Variants in TMPRSS15 observed in about 807,000 individuals in gnomAD.
TMPRSS15 encodes enteropeptidase.
Under a neutral mutation model 125.3 loss-of-function variants are expected in TMPRSS15, and 128 were observed. The ratio of observed to expected loss-of-function variants is 1.02; its 90% CI spans 0.89 to 1.18. The LOEUF (loss-of-function observed/expected upper bound fraction) is 1.18, where lower values mean the gene tolerates loss of function less well. TMPRSS15 is among the 50% of genes most tolerant of loss of function. The pLI is 0.00. For synonymous variants in TMPRSS15, 446 were observed against 423.2 expected (o/e 1.05, Z -0.66); for missense variants, 1,283 against 1,212.7 (o/e 1.06, Z -0.86).
Position 18,289,748 on chromosome 21 carries a change from C to A in TMPRSS15, c.2486+4522G>T, listed in dbSNP as rs186126142. 2.0e-5 allele frequency among the ~76,000 whole-genome samples: 3 copies of A among 152,252 alleles called. No individual in the cohort carries two copies. The East Asian group carries it at 5.8e-4, about 29-fold the overall frequency. On this transcript the variant is annotated intron_variant, in intron 21 of 24. Transcript: ENST00000284885. ...ATTTCATCTTTAATAGATGTCCGTT[C>A]AATGACTGTGATCCAGACTGTAAAT...
chr21:18,396,579 C>A (rs1278659412), intron 3 of TMPRSS15, among the ~76,000 whole-genome samples: 2 of 151,876 alleles, frequency 1.3e-5, no homozygotes, highest in African/African-American at 2.4e-5. Flanking sequence ...TCGAGACGAT[C>A]TTGGCTAACA....
intron 18 of TMPRSS15, among the ~76,000 whole-genome samples, chr21:18,307,280 T>A (rs1259302689): frequency 6.6e-6 from 1 of 152,178 alleles, no homozygotes; most frequent in Non-Finnish European, 1.5e-5. Flanking sequence ...AAATATTGTA[T>A]CTAAGGCAGT....
chr21:18,324,554 T>C (rs959157843), intron 16 of TMPRSS15, among the ~76,000 whole-genome samples: 7 of 152,198 alleles, frequency 4.6e-5, no homozygotes, highest in African/African-American at 1.7e-4. Flanking sequence ...GTAACGTCAC[T>C]TGTGGGAGCT....
chr21:18,469,404 G>T (rs1289110191), intron 1 of TMPRSS15, among the ~76,000 whole-genome samples: 1 of 151,874 alleles, frequency 6.6e-6, no homozygotes, highest in East Asian at 1.9e-4. Flanking sequence ...ACATTTTTTT[G>T]TCACAAAAGA....
chr21:18,296,108 A>C (rs991081405), intron 19 of TMPRSS15, among the ~76,000 whole-genome samples: 12 of 152,106 alleles, frequency 7.9e-5, no homozygotes, highest in Non-Finnish European at 1.8e-4. Flanking sequence ...AGCCGAGATC[A>C]CGCCACTGCA....
At chr21:18,308,031 A>T (rs2146926993) in intron 18 of TMPRSS15, among the ~76,000 whole-genome samples, 1 of 152,268 alleles carries the variant, frequency 6.6e-6, no homozygotes, top group Non-Finnish European at 1.5e-5. Context: ...TTGTGGAAGC[A>T]AGGTCAAGTC....
chr21:18,466,072 C>G (rs930935916), intron 1 of TMPRSS15, among the ~76,000 whole-genome samples: 2 of 151,984 alleles, frequency 1.3e-5, no homozygotes, highest in Admixed American at 6.6e-5. Flanking sequence ...ATATATAGAC[C>G]AATGGAACAG....
intron 1 of TMPRSS15, among the ~76,000 whole-genome samples, chr21:18,427,675 A>G (rs2076206154): frequency 6.6e-6 from 1 of 152,228 alleles, no homozygotes; most frequent in African/African-American, 2.4e-5. Flanking sequence ...CCTAAGAAAT[A>G]TACTTATTCA....
intron 1 of TMPRSS15, among the ~76,000 whole-genome samples, chr21:18,472,290 A>G (rs1329605455): frequency 6.6e-6 from 1 of 152,012 alleles, no homozygotes; most frequent in Non-Finnish European, 1.5e-5. Flanking sequence ...CATAGTGTGC[A>G]TGTCATACCT....
At chr21:18,409,858 TTCCCTCCC>T (rs938427907) in intron 1 of TMPRSS15, among the ~76,000 whole-genome samples, 1 of 77,666 alleles carries the variant, frequency 1.3e-5, no homozygotes, top group African/African-American at 5.3e-5. Flanking sequence ...CCTTCCTTCC[TTCCCTCCC>T]TCCCTCCCTT....
intron 19 of TMPRSS15, among the ~76,000 whole-genome samples, chr21:18,295,588 T>G (rs901553304): frequency 6.6e-6 from 1 of 152,210 alleles, no homozygotes; most frequent in African/African-American, 2.4e-5. Flanking sequence ...TCAAAGCAAT[T>G]CAGTGTTTCA....
intron 18 of TMPRSS15, among the ~76,000 whole-genome samples, chr21:18,312,715 G>A (rs2075113690): frequency 6.6e-6 from 1 of 151,672 alleles, no homozygotes; most frequent in African/African-American, 2.4e-5. Flanking sequence ...AGAGTATATT[G>A]TATTTTATAT....
chr21:18,365,271 G>A (rs2147032247), intron 6 of TMPRSS15, 23 bp from the exon 7 acceptor site: 1 of 1,579,330 alleles, frequency 6.3e-7, no homozygotes, highest in African/African-American at 1.3e-5. Context: ...GCCAATTAAT[G>A]TTAGACAAAA....
At chr21:18,335,047 T>G (rs1050546597) in intron 13 of TMPRSS15, among the ~76,000 whole-genome samples, 1 of 152,210 alleles carries the variant, frequency 6.6e-6, no homozygotes, top group Non-Finnish European at 1.5e-5. Flanking sequence ...ATGACTAATT[T>G]ACAAAGATTT....
chr21:18,451,954 C>A (rs1442333735), intron 1 of TMPRSS15, among the ~76,000 whole-genome samples: 1 of 152,092 alleles, frequency 6.6e-6, no homozygotes, highest in African/African-American at 2.4e-5. Flanking sequence ...CTTATGCATG[C>A]ATAATTTTAT....
chr21:18,370,108 G>A (rs9981106), intron 6 of TMPRSS15, among the ~76,000 whole-genome samples: 38,912 of 151,762 alleles, frequency 0.26, 5,152 homozygotes, highest in Middle Eastern at 0.3. Context: ...AAGTAACAAC[G>A]CAGTTTGACT....
intron 1 of TMPRSS15, among the ~76,000 whole-genome samples, chr21:18,440,077 A>G (rs571422056): frequency 6.6e-6 from 1 of 152,318 alleles, no homozygotes; most frequent in South Asian, 2.1e-4. Flanking sequence ...CTCACACAGA[A>G]GAAAACTGTA....
At chr21:18,280,926 G>A (rs1395801354) in intron 22 of TMPRSS15, 114 bp downstream of exon 22, 6 of 1,148,596 alleles carry the variant, frequency 5.2e-6, no homozygotes, top group Non-Finnish European at 7.7e-6. Context: ...AATGATTTAT[G>A]TAACAAATTA....
Position 18,463,007 on chromosome 21 carries a change from TGAGA to T in TMPRSS15, c.10+22788_10+22791del, listed in dbSNP as rs1978579869. On this transcript the variant is annotated intron_variant, in intron 1 of 7. Transcript: ENST00000422787. Reference sequence around the variant, plus strand: ...AAATCCTTTACAGACAAGCAAATGCTGAGAGACTTTGTCAAATCTCTCACATAAT... The same window carrying T: ...AAATCCTTTACAGACAAGCAAATGCTGACTTTGTCAAATCTCTCACATAAT... Among the ~76,000 whole-genome samples the T allele has an allele frequency of 1.3e-5, 2 of 152,086 alleles. 1 individual carries two copies. Among genetic ancestry groups the T allele is most frequent in the South Asian group, 4.1e-4 (2 of 4,832 alleles).
Sources: allele counts gnomAD v4.1 joint callset (sites outside exome capture counted in the v4.1 genomes callset), GRCh38; gene constraint gnomAD v4.1.1; transcripts MANE v1.5; gene names NCBI Gene and HGNC (gene_info 2026-07-23, HGNC 2026-07-21).